The following LRRC7 variants were observed in gnomAD, a reference collection of about 807,000 sequenced individuals.
LRRC7 encodes the protein leucine rich repeat containing 7, also known as leucine-rich repeat-containing protein 7.
Under a neutral mutation model 175.7 loss-of-function variants are expected in LRRC7, and 23 were observed. The ratio of observed to expected loss-of-function variants is 0.13; its 90% confidence interval spans 0.09 to 0.19. The LOEUF is 0.19. LRRC7 is among the 10% of genes least tolerant of loss of function. LRRC7 has a pLI of 1.00. For missense variants in LRRC7, 1,354 were observed against 1,904.7 expected, an observed-to-expected ratio of 0.71 and a Z score of 5.38; for synonymous variants, 685 against 680.9, an observed-to-expected ratio of 1.01 and a Z score of -0.09.
chr1:70,102,963 T>C (rs540808029), intron 25 of LRRC7, among the ~76,000 whole-genome samples: 1 of 152,222 alleles, frequency 6.6e-6, no homozygotes, highest in Admixed American at 6.5e-5. Context: ...ACACAGTGGC[T>C]CATGCCTGTA....
At chr1:70,047,785 A>G (rs1416119163) in intron 22 of LRRC7, among the ~76,000 whole-genome samples, 1 of 151,976 alleles carries the variant, frequency 6.6e-6, no homozygotes, top group Non-Finnish European at 1.5e-5. Context: ...ACTCTTTCAG[A>G]TATTAAGAAA....
chr1:69,603,915 A>G (rs775973252), intron 1 of LRRC7, among the ~76,000 whole-genome samples: 20 of 152,178 alleles, frequency 1.3e-4, no homozygotes, highest in Admixed American at 3.9e-4. Context: ...AGTTTGATAC[A>G]TTTGTGATAT....
chr1:69,780,741 A>T (rs1157721484), intron 3 of LRRC7, among the ~76,000 whole-genome samples: 1 of 152,204 alleles, frequency 6.6e-6, no homozygotes, highest in East Asian at 1.9e-4. Context: ...ACAACTTTCA[A>T]ATGAACTGAA....
chr1:70,022,334 C>A (rs1391103754), intron 16 of LRRC7: 1 of 152,052 alleles, frequency 6.6e-6, no homozygotes, highest in East Asian at 1.9e-4. Context: ...CATTCTATAC[C>A]GGACTTCTGA....
At chr1:69,711,158 C>A (rs1249384889) in intron 2 of LRRC7, among the ~76,000 whole-genome samples, 1 of 152,306 alleles carries the variant, frequency 6.6e-6, no homozygotes, top group East Asian at 1.9e-4. Context: ...ATAGTAAATT[C>A]TCCCTTGCTG....
chr1:70,137,804 C>A lies in LRRC7; in HGVS notation c.*15917C>A, dbSNP rs1384759752. ...TTGACAATTTCAGCTGCCCTAGCAGCCTCTCTAAGCACTAAGAAGTATAGC... is the reference window on the plus strand; with the variant it reads ...TTGACAATTTCAGCTGCCCTAGCAGACTCTCTAAGCACTAAGAAGTATAGC... On this transcript the variant is annotated 3_prime_UTR_variant, in exon 27 of 27. Transcript: ENST00000651989. Among the ~76,000 whole-genome samples, 7 of 152,222 alleles carry A rather than the reference C, an allele frequency of 4.6e-5. No individual in the cohort carries two copies. Among genetic ancestry groups the A allele is most frequent in the Admixed American group, 3.9e-4 (6 of 15,292 alleles).
intron 4 of LRRC7, among the ~76,000 whole-genome samples, chr1:69,812,325 A>G (rs187648706): frequency 1.5e-3 from 228 of 152,258 alleles, no homozygotes; most frequent in African/African-American, 5.3e-3. Context: ...GAAATAAGCT[A>G]GGCCTAGTTT....
At chr1:69,854,408 C>T (rs1683350035) in intron 7 of LRRC7, among the ~76,000 whole-genome samples, 1 of 152,066 alleles carries the variant, frequency 6.6e-6, no homozygotes, top group Non-Finnish European at 1.5e-5. Flanking sequence ...GAGGCAGAGG[C>T]AGGAGGATTT....
chr1:69,730,960 G>A (rs569119644), intron 2 of LRRC7, among the ~76,000 whole-genome samples: 1 of 152,154 alleles, frequency 6.6e-6, no homozygotes, highest in East Asian at 1.9e-4. Context: ...TCTTCACATG[G>A]CGGCAGCAAG....
chr1:69,574,435 CA>C (rs1043623028), intron 1 of LRRC7, among the ~76,000 whole-genome samples: 2 of 151,848 alleles, frequency 1.3e-5, no homozygotes, highest in African/African-American at 4.8e-5. Context: ...GGTGTAGTGG[CA>C]AAATACTTTA....
chr1:69,841,772 C>A (rs182411540), intron 7 of LRRC7, among the ~76,000 whole-genome samples: 2 of 146,570 alleles, frequency 1.4e-5, no homozygotes, highest in Non-Finnish European at 2.9e-5. Context: ...GTAGACATTC[C>A]AAACCAGAAT....
intron 3 of LRRC7, among the ~76,000 whole-genome samples, chr1:69,784,838 A>G (rs1323003434): frequency 6.6e-6 from 1 of 152,170 alleles, no homozygotes; most frequent in Non-Finnish European, 1.5e-5. Flanking sequence ...TTTAGTTTGT[A>G]AATGTAGAAC....
chr1:69,826,705 C>T, intron 5 of LRRC7, among the ~76,000 whole-genome samples: 1 of 152,052 alleles, frequency 6.6e-6, no homozygotes, highest in East Asian at 1.9e-4. Flanking sequence ...GAGAAAAATT[C>T]CTCGATCTTT....
chr1:69,961,508 G>A (rs1389539260), intron 8 of LRRC7, among the ~76,000 whole-genome samples: 1 of 152,132 alleles, frequency 6.6e-6, no homozygotes, highest in Non-Finnish European at 1.5e-5. Context: ...AACAAAAAAA[G>A]AGCCCAAATA....
intron 11 of LRRC7, among the ~76,000 whole-genome samples, chr1:70,011,248 C>T (rs1410187761): frequency 6.6e-6 from 1 of 152,106 alleles, no homozygotes; most frequent in East Asian, 1.9e-4. Flanking sequence ...GAAGTTAGCC[C>T]CTTTAAGCCT....
At chr1:69,867,602 G>A (rs560772385) in intron 7 of LRRC7, among the ~76,000 whole-genome samples, 1 of 152,258 alleles carries the variant, frequency 6.6e-6, no homozygotes, top group East Asian at 1.9e-4. Flanking sequence ...CATTTCAATA[G>A]CCTGGAAATT....
intron 5 of LRRC7, among the ~76,000 whole-genome samples, chr1:69,833,206 G>A (rs562777282): frequency 6.3e-4 from 96 of 152,180 alleles, no homozygotes; most frequent in Non-Finnish European, 1.0e-3. Flanking sequence ...AATCAGTCAC[G>A]TCAAAATGGA....
At chr1:69,988,609 C>T (rs1384239601) in intron 10 of LRRC7, among the ~76,000 whole-genome samples, 1 of 152,018 alleles carries the variant, frequency 6.6e-6, no homozygotes. Flanking sequence ...TCAGAACTTA[C>T]AAAAGATTAG....
chr1:69,662,126 C>T (rs2100535627), intron 1 of LRRC7, among the ~76,000 whole-genome samples: 1 of 152,244 alleles, frequency 6.6e-6, no homozygotes, highest in Non-Finnish European at 1.5e-5. Flanking sequence ...GTCTTAATTT[C>T]TTCGTCTCTA....
Sources: gnomAD v4.1 joint callset for allele counts (sites outside exome capture counted in the v4.1 genomes callset) on GRCh38, gnomAD v4.1.1 for gene constraint, MANE v1.5 for transcripts, NCBI Gene and HGNC (gene_info 2026-07-23, HGNC 2026-07-21) for gene names.